Variants in ANKRD26 observed in about 807,000 individuals in gnomAD.
The protein encoded by ANKRD26 is ankyrin repeat domain 26, also known as ankyrin repeat domain-containing protein 26.
ANKRD26 carries 141 observed loss-of-function variants against 208.7 expected under a neutral mutation model. The observed-to-expected ratio is 0.68, with a 90% confidence interval of 0.59 to 0.78. The LOEUF is 0.78. ANKRD26 is among the 30% of genes least tolerant of loss of function. The probability of loss-of-function intolerance (pLI) is 0.00; values close to 1 mark genes in which losing one functional copy is unlikely to be tolerated. For missense variants in ANKRD26, 1,889 were observed against 1,938.7 expected (o/e 0.97, Z 0.48); for synonymous variants, 636 against 660.4 (o/e 0.96, Z 0.57).
intron 30 of ANKRD26, among the ~76,000 whole-genome samples, chr10:27,015,792 A>T (rs1314408518): frequency 6.6e-6 from 1 of 152,180 alleles, no homozygotes; most frequent in Non-Finnish European, 1.5e-5. Flanking sequence ...ATCCTCTCTC[A>T]TAAGCACAGG....
intron 17 of ANKRD26, 131 bp downstream of exon 17, chr10:27,048,670 A>T: frequency 1.2e-6 from 1 of 850,928 alleles, no homozygotes; most frequent in Non-Finnish European, 1.8e-6. Context: ...GCATTTTTCT[A>T]ATTGCAAGGC....
chr10:26,996,979 T>G lies in ANKRD26; in HGVS notation c.563-1832A>C, dbSNP rs146280325. Among the ~76,000 whole-genome samples, 69 of 152,336 alleles carry G rather than the reference T, an allele frequency of 4.5e-4. 1 individual carries two copies. In the East Asian group the frequency reaches 0.012, roughly 26 times the overall value. On this transcript the variant is annotated intron_variant, in intron 4 of 5. Transcript: ENST00000445828. ...AACTATGGTACATTGTCAGGATGTT[T>G]CTCTAATTTCTTGTTTTGTTTGTTT...
downstream of ANKRD26, among the ~76,000 whole-genome samples, chr10:27,001,421 G>T (rs1472395538): frequency 6.6e-6 from 1 of 152,182 alleles, no homozygotes; most frequent in Non-Finnish European, 1.5e-5. Context: ...GCTCTCCCCT[G>T]CAGAGAGAGG....
At chr10:27,093,571 A>G (rs2056370072) in intron 2 of ANKRD26, 49 bp from the exon 3 acceptor site, 3 of 1,608,166 alleles carry the variant, frequency 1.9e-6, no homozygotes, top group Non-Finnish European at 2.6e-6. Context: ...GGAATGCAAA[A>G]TAAACACTCC....
In ANKRD26 at chr10:27,030,438, A is replaced by C. The variant is rs1589243519; in HGVS notation, c.3808-1082T>G. 3.0e-6 allele frequency: 3 copies of C among 985,462 alleles called. No homozygotes were observed. The East Asian group carries it at 3.4e-4, about 112-fold the overall frequency. 61.0% of individuals were successfully genotyped at this position (985,462 alleles called of 1,614,324 possible). ...CTGAAAACACTGGACTCTGCTGCGA[A>C]ACAAGGTTCCCAAATCAAGTCATTT... On this transcript the variant is annotated intron_variant, in intron 25 of 33. Coordinates refer to ENST00000376087, the MANE Select transcript of ANKRD26 (RefSeq NM_014915.3).
At chr10:27,042,411 G>A (rs1220985735) in intron 20 of ANKRD26, among the ~76,000 whole-genome samples, 1 of 151,884 alleles carries the variant, frequency 6.6e-6, no homozygotes, top group Non-Finnish European at 1.5e-5. Context: ...GAGGTCGGGA[G>A]TTTGAGACCA....
intron 9 of ANKRD26, among the ~76,000 whole-genome samples, chr10:27,068,785 T>A (rs1564409364): frequency 6.7e-6 from 1 of 149,476 alleles, no homozygotes; most frequent in Admixed American, 6.7e-5. Context: ...GGGGGAGTGG[T>A]CAGGACAAAA....
At chr10:26,977,650 G>A (rs2052247472) in intron 5 of ANKRD26, among the ~76,000 whole-genome samples, 2 of 152,166 alleles carry the variant, frequency 1.3e-5, no homozygotes, top group South Asian at 4.1e-4. Context: ...TGATTGCCTT[G>A]TATACAATGG....
At chr10:26,950,627 T>TG in the ANKRD26 span, among the ~76,000 whole-genome samples, 1 of 152,270 alleles carries the variant, frequency 6.6e-6, no homozygotes, top group Non-Finnish European at 1.5e-5. Context: ...TCTCTCCATG[T>TG]GAGAAGCCTG....
chr10:27,050,861 T>C (rs1051987571), intron 16 of ANKRD26, among the ~76,000 whole-genome samples: 1 of 152,212 alleles, frequency 6.6e-6, no homozygotes, highest in African/African-American at 2.4e-5. Flanking sequence ...ACTTCTTAGG[T>C]TGATTAAGGA....
At chr10:27,047,696 T>C (rs1269187127) in intron 17 of ANKRD26, among the ~76,000 whole-genome samples, 1 of 137,280 alleles carries the variant, frequency 7.3e-6, no homozygotes, top group African/African-American at 2.8e-5. Flanking sequence ...AGAAAAACTG[T>C]AATAATACTA....
At chr10:27,042,669 C>T (rs993253649) in intron 20 of ANKRD26, among the ~76,000 whole-genome samples, 5 of 152,120 alleles carry the variant, frequency 3.3e-5, no homozygotes, top group African/African-American at 9.6e-5. Flanking sequence ...AGGAGAATAG[C>T]GTGAACCCAG....
chr10:26,964,121 C>T, the ANKRD26 span, among the ~76,000 whole-genome samples: 1 of 151,924 alleles, frequency 6.6e-6, no homozygotes, highest in South Asian at 2.1e-4. Context: ...ATTGGCCAGG[C>T]TGGTCTCAAA....
intron 31 of ANKRD26, among the ~76,000 whole-genome samples, chr10:27,013,616 TG>T: frequency 6.6e-6 from 1 of 152,206 alleles, no homozygotes; most frequent in South Asian, 2.1e-4. Context: ...TAAAAATACT[TG>T]TATTTAGTAA....
downstream of ANKRD26, among the ~76,000 whole-genome samples, chr10:26,999,335 T>G (rs541721608): frequency 4.6e-5 from 7 of 152,346 alleles, no homozygotes; most frequent in East Asian, 1.3e-3. Flanking sequence ...AACTTTTTGT[T>G]GCGCAGCTGC....
chr10:27,046,414 C>A lies in ANKRD26; in HGVS notation c.1924G>T (p.Gly642Cys). Residue 642 changes from glycine to cysteine, a missense_variant, in exon 18 of 34, where the codon GGT becomes TGT. Gly to Cys is a radical substitution (Grantham distance 159). This residue lies in a region of ANKRD26 where 1,272 missense variants were observed against 1,273.8 expected (regional missense o/e 1.00). Coordinates refer to ENST00000376087, the MANE Select transcript of ANKRD26 (RefSeq NM_014915.3). ...TCATCATCCACTTGTAGCAGGCCACCAGTTAGTAAACTGGCCTTCCCAAAC... is the reference window on the plus strand; with the variant it reads ...TCATCATCCACTTGTAGCAGGCCACAAGTTAGTAAACTGGCCTTCCCAAAC... ...PVFGKASLLT[G>C]GLLQVDDDSS... 6.2e-7 allele frequency: 1 copy of A among 1,614,108 alleles called. No individual in the cohort carries two copies. Among genetic ancestry groups the A allele is most frequent in the South Asian group, 1.1e-5 (1 of 91,080 alleles).
rs1289452454 is a variant in ANKRD26, at chr10:27,034,886, C to A, written c.3564G>T (p.Leu1188=). Residue 1188 remains leucine, a synonymous_variant, in exon 24 of 34, where the codon CTG becomes CTT. Transcript: ENST00000376087. ...TTAACTCCTTATTTCTTTCTTCTAGCAGAAGACTTTGCTTTTCACTCTCAG... is the reference window on the plus strand; with the variant it reads ...TTAACTCCTTATTTCTTTCTTCTAGAAGAAGACTTTGCTTTTCACTCTCAG... ...LQAESEKQSL[L]LEERNKELIS... 1.9e-6 allele frequency: 3 copies of A among 1,613,638 alleles called. No homozygotes were observed. In the African/African-American group the frequency reaches 4.0e-5, roughly 22 times the overall value.
chr10:27,064,692 A>C (rs941246633), intron 11 of ANKRD26, among the ~76,000 whole-genome samples: 1 of 152,198 alleles, frequency 6.6e-6, no homozygotes, highest in African/African-American at 2.4e-5. Flanking sequence ...ATACTTTTTG[A>C]TACAACTTTT....
In ANKRD26 at chr10:27,017,485, A is replaced by G; in HGVS notation, c.4506+17T>C. Reference sequence around the variant, plus strand: ...TTTGCAGTGAAATGAACAAAGGCACACTACACATAAGCTAACCTGTAAAAA... The same window carrying G: ...TTTGCAGTGAAATGAACAAAGGCACGCTACACATAAGCTAACCTGTAAAAA... On this transcript the variant is annotated intron_variant, in intron 30 of 33. Coordinates refer to ENST00000376087, the MANE Select transcript of ANKRD26 (RefSeq NM_014915.3). 2 of 1,612,548 alleles carry G rather than the reference A, an allele frequency of 1.2e-6. No individual in the cohort carries two copies. Among genetic ancestry groups the G allele is most frequent in the Non-Finnish European group, 1.7e-6 (2 of 1,179,554 alleles).
Sources: allele counts gnomAD v4.1 joint callset (sites outside exome capture counted in the v4.1 genomes callset), GRCh38; gene constraint gnomAD v4.1.1; regional missense constraint gnomAD v4.1.1; transcripts MANE v1.5; gene names NCBI Gene and HGNC (gene_info 2026-07-23, HGNC 2026-07-21).